The following MSH3 variants were observed in gnomAD, a reference collection of about 807,000 sequenced individuals.
The protein encoded by MSH3 is mutS homolog 3.
Under a neutral mutation model 123.3 loss-of-function variants are expected in MSH3, and 106 were observed. That is an observed-to-expected ratio of 0.86 (90% CI 0.73 to 1.01). The LOEUF is 1.01. Among genes scored for constraint, MSH3 ranks in the 50% least tolerant of loss-of-function variants. The pLI is 0.00. For missense variants in MSH3, 1,459 were observed against 1,347.6 expected (o/e 1.08, Z -1.29); for synonymous variants, 515 against 481.4 (o/e 1.07, Z -0.91).
At chr5:80,760,394 G>A (rs955963297) in intron 12 of MSH3, among the ~76,000 whole-genome samples, 18 of 152,102 alleles carry the variant, frequency 1.2e-4, no homozygotes, top group African/African-American at 3.9e-4. Flanking sequence ...TCAGATTTCC[G>A]TTTTAAGTTG....
chr5:80,808,871 A>ATATATATATG (rs1561485209), intron 19 of MSH3, among the ~76,000 whole-genome samples: 1 of 128,256 alleles, frequency 7.8e-6, no homozygotes, highest in African/African-American at 3.1e-5. Flanking sequence ...ATATATATAT[A>ATATATATATG]TATATATATA....
At chr5:80,723,818 A>AGCCTGATCAAT (rs1298249451) in intron 8 of MSH3, among the ~76,000 whole-genome samples, 10 of 151,922 alleles carry the variant, frequency 6.6e-5, no homozygotes, top group Non-Finnish European at 1.5e-4. Context: ...GCTGGAGTGC[A>AGCCTGATCAAT]GTGGTGTGAT....
chr5:80,871,228 A>G (rs1467782189), intron 22 of MSH3, among the ~76,000 whole-genome samples: 2 of 152,188 alleles, frequency 1.3e-5, no homozygotes, highest in Non-Finnish European at 2.9e-5. Context: ...GAGTTACCTC[A>G]ACTTGGGGTG....
intron 20 of MSH3, among the ~76,000 whole-genome samples, chr5:80,852,017 A>G (rs1017421927): frequency 6.6e-6 from 1 of 152,204 alleles, no homozygotes; most frequent in Non-Finnish European, 1.5e-5. Context: ...ATAATGCTTA[A>G]TCTACTGTAT....
At chr5:80,843,308 GTATTT>G (rs1319709736) in intron 20 of MSH3, among the ~76,000 whole-genome samples, 4 of 152,204 alleles carry the variant, frequency 2.6e-5, no homozygotes, top group African/African-American at 9.7e-5. Flanking sequence ...TGGTTTGCCA[GTATTT>G]TATTGAGGAT....
At chr5:80,705,949 G>A (rs892063625) in intron 8 of MSH3, among the ~76,000 whole-genome samples, 50 of 152,262 alleles carry the variant, frequency 3.3e-4, no homozygotes, top group African/African-American at 1.2e-3. Flanking sequence ...GAATGTTATA[G>A]GGACATAATT....
intron 7 of MSH3, among the ~76,000 whole-genome samples, chr5:80,677,589 T>G (rs6151663): frequency 0.023 from 3,461 of 152,254 alleles, 122 homozygotes; most frequent in African/African-American, 0.078. Context: ...TAATTACAGT[T>G]AGAGGAGCTA....
chr5:80,668,115 T>G (rs1749611229), intron 3 of MSH3, among the ~76,000 whole-genome samples: 2 of 152,082 alleles, frequency 1.3e-5, no homozygotes, highest in African/African-American at 2.4e-5. Context: ...GTGATGAGCC[T>G]TCAGCCGAGA....
intron 20 of MSH3, among the ~76,000 whole-genome samples, chr5:80,849,141 T>A (rs1745781669): frequency 6.6e-6 from 1 of 152,170 alleles, no homozygotes; most frequent in South Asian, 2.1e-4. Flanking sequence ...AAATGGTATC[T>A]TTTGACTCCA....
intron 8 of MSH3, among the ~76,000 whole-genome samples, chr5:80,693,624 TACACACACACAC>T (rs370934498): frequency 1.4e-5 from 2 of 145,982 alleles, no homozygotes; most frequent in Admixed American, 6.9e-5. Flanking sequence ...CACACACATA[TACACACACACAC>T]ACACACACAC....
chr5:80,667,989 G>A (rs1436354774), intron 3 of MSH3, among the ~76,000 whole-genome samples: 1 of 152,234 alleles, frequency 6.6e-6, no homozygotes, highest in Non-Finnish European at 1.5e-5. Context: ...AATGAAGTAT[G>A]TGGACGAGTG....
At chr5:80,750,385 A>G (rs1333626927) in intron 12 of MSH3, among the ~76,000 whole-genome samples, 1 of 152,128 alleles carries the variant, frequency 6.6e-6, no homozygotes, top group Non-Finnish European at 1.5e-5. Flanking sequence ...TTTTCTCCAC[A>G]TCTTTACTTG....
chr5:80,693,782 C>T (rs998527521), intron 8 of MSH3, among the ~76,000 whole-genome samples: 1 of 152,014 alleles, frequency 6.6e-6, no homozygotes, highest in African/African-American at 2.4e-5. Context: ...CTCAGCCTCC[C>T]GAGTAGCTGG....
chr5:80,754,282 TTTTATA>T (rs1196836681), intron 12 of MSH3, among the ~76,000 whole-genome samples: 1 of 149,944 alleles, frequency 6.7e-6, no homozygotes, highest in Non-Finnish European at 1.5e-5. Flanking sequence ...CAAATATGAA[TTTTATA>T]TATATATATA....
Position 80,673,254 on chromosome 5 carries a change from C to T in MSH3, c.1027+396C>T, listed in dbSNP as rs546529078. On this transcript the variant is annotated intron_variant, in intron 6 of 23. Transcript: ENST00000265081. ...TAAAAAGTAACTTATTGAAGCCAGG[C>T]GCTGTGGCTCATGCCTTTAATCCCA... Among the ~76,000 whole-genome samples, 9 of 152,262 alleles carry T rather than the reference C, an allele frequency of 5.9e-5. No individual in the cohort carries two copies. The South Asian group carries it at 6.2e-4, about 11-fold the overall frequency.
At chr5:80,769,031 A>G (rs759451778) in intron 15 of MSH3, 28 bp downstream of exon 15, 23 of 1,593,788 alleles carry the variant, frequency 1.4e-5, no homozygotes, top group African/African-American at 8.1e-5. Flanking sequence ...TTTATTTTCT[A>G]TTAGTTTTAC....
At chr5:80,776,382 G>A (rs920805423) in intron 16 of MSH3, among the ~76,000 whole-genome samples, 1 of 152,166 alleles carries the variant, frequency 6.6e-6, no homozygotes, top group Non-Finnish European at 1.5e-5. Context: ...GATTAATTTA[G>A]TTGCTTTTAC....
At chr5:80,822,102 A>G (rs1319403469) in intron 20 of MSH3, among the ~76,000 whole-genome samples, 1 of 152,220 alleles carries the variant, frequency 6.6e-6, no homozygotes, top group Non-Finnish European at 1.5e-5. Context: ...CCGGCTGTGT[A>G]TGGGAAAGAA....
chr5:80,867,399 C>T (rs1237777231), intron 22 of MSH3, among the ~76,000 whole-genome samples: 5 of 152,200 alleles, frequency 3.3e-5, no homozygotes, highest in Admixed American at 3.3e-4. Flanking sequence ...AACTTTTTCT[C>T]AGATGCCTTC....
Sources: gnomAD v4.1 joint callset for allele counts (sites outside exome capture counted in the v4.1 genomes callset) on GRCh38, gnomAD v4.1.1 for gene constraint, MANE v1.5 for transcripts, NCBI Gene and HGNC (gene_info 2026-07-23, HGNC 2026-07-21) for gene names.